ZFHX3: variants seen among roughly 807,000 people sequenced by gnomAD.
ZFHX3 encodes the protein zinc finger homeobox 3, also known as zinc finger homeobox protein 3.
A neutral mutation model predicts 279.1 loss-of-function variants in ZFHX3; 42 were observed. That is an observed-to-expected ratio of 0.15 (90% CI 0.12 to 0.19). The LOEUF (loss-of-function observed/expected upper bound fraction) is 0.19. ZFHX3 is among the 10% of genes least tolerant of loss of function. ZFHX3 has a pLI of 1.00. For missense variants in ZFHX3, 4,981 were observed against 4,754.0 expected (o/e 1.05, Z -1.40); for synonymous variants, 2,293 against 1,957.8 (o/e 1.17, Z -4.52).
At chr16:73,363,990 T>C (rs1387196555) in intron 3 of ZFHX3, among the ~76,000 whole-genome samples, 2 of 152,206 alleles carry the variant, frequency 1.3e-5, no homozygotes, top group East Asian at 1.9e-4. Context: ...CTTGCCAATA[T>C]GGTGAAACCC....
rs1423961127 is a variant in ZFHX3, at chr16:72,788,276, G to A, written c.10000C>T (p.Pro3334Ser). The change falls in exon 10 of 10, where the codon CCT (proline) becomes TCT (serine). Residue 3334 changes from proline (P) to serine (S), a missense_variant. Around this residue, in one of 7 missense-constraint regions of ZFHX3, gnomAD observed 1,034 missense variants for 786.0 expected, o/e 1.32. Transcript: ENST00000268489. ...AACAGGCCTTCCATGCCATACATAG[G>A]CTGCAGGTACCCGCTCTGCAGGGCG... ...PGALQSGYLQ[P>S]MYGMEGLFPY... 1.9e-6 allele frequency: 3 copies of A among 1,614,052 alleles called. No individual in the cohort carries two copies. Among genetic ancestry groups the A allele is most frequent in the East Asian group, 2.2e-5 (1 of 44,878 alleles).
chr16:72,988,156 T>C (rs1962925089), intron 1 of ZFHX3, among the ~76,000 whole-genome samples: 1 of 152,208 alleles, frequency 6.6e-6, no homozygotes, highest in African/African-American at 2.4e-5. Flanking sequence ...AAGAACCATT[T>C]AGGAGCACTG....
intron 7 of ZFHX3, among the ~76,000 whole-genome samples, chr16:72,802,663 G>A (rs1242950263): frequency 4.6e-5 from 7 of 152,172 alleles, no homozygotes; most frequent in Non-Finnish European, 7.3e-5. Context: ...TTCAGGTGGC[G>A]TCTGTCTGTG....
intron 5 of ZFHX3, among the ~76,000 whole-genome samples, chr16:73,241,935 T>G (rs781285784): frequency 4.6e-5 from 7 of 152,162 alleles, no homozygotes; most frequent in African/African-American, 7.2e-5. Context: ...GTGACCCCTT[T>G]GAGAACTGCT....
In ZFHX3 at chr16:73,865,961, G is replaced by A. The variant is rs776286679; in HGVS notation, c.-1608+25690C>T. ...GATCGCACCACTGCACTCCAGCCTG[G>A]GGGACAGAGCAAGACTCCGTCTCAA... On this transcript the variant is annotated intron_variant, in intron 1 of 17. Coordinates refer to the ZFHX3 transcript ENST00000641206. 1.1e-3 allele frequency among the ~76,000 whole-genome samples: 165 copies of A among 152,042 alleles called. 1 individual carries two copies. Among genetic ancestry groups the A allele is most frequent in the Non-Finnish European group, 2.0e-3 (133 of 68,002 alleles).
At chr16:73,238,572 C>T (rs2013022839) in intron 5 of ZFHX3, among the ~76,000 whole-genome samples, 1 of 152,160 alleles carries the variant, frequency 6.6e-6, no homozygotes, top group Non-Finnish European at 1.5e-5. Flanking sequence ...TCTCATCATT[C>T]TCAGATATGC....
chr16:73,362,268 G>A lies in ZFHX3; in HGVS notation c.-1290-43932C>T, dbSNP rs137975342. On this transcript the variant is annotated intron_variant, in intron 3 of 17. Transcript: ENST00000641206. ...CAATGTTTTGTCTGAGTTTGCAAAC[G>A]GGACATGGGGGCTTCCAGAGTTCCC... 1.4e-4 allele frequency among the ~76,000 whole-genome samples: 21 copies of A among 152,272 alleles called. No homozygotes were observed. The East Asian group carries it at 2.1e-3, about 15-fold the overall frequency.
intron 4 of ZFHX3, among the ~76,000 whole-genome samples, chr16:73,287,029 TGTGA>T (rs1368753549): frequency 6.8e-6 from 1 of 146,762 alleles, no homozygotes; most frequent in Non-Finnish European, 1.5e-5. Flanking sequence ...TATGTGGCTG[TGTGA>T]GTGTGTGGGT....
intron 1 of ZFHX3, among the ~76,000 whole-genome samples, chr16:73,830,586 A>G (rs1343187788): frequency 2.0e-5 from 3 of 152,000 alleles, no homozygotes; most frequent in Non-Finnish European, 4.4e-5. Context: ...TTTTATTCCC[A>G]TTTCCTGTGA....
chr16:73,346,981 A>G (rs1352896479), intron 3 of ZFHX3, among the ~76,000 whole-genome samples: 1 of 152,228 alleles, frequency 6.6e-6, no homozygotes, highest in Non-Finnish European at 1.5e-5. Context: ...AGGTATGGTC[A>G]TTCCTGTGTT....
At chr16:73,777,256 C>A (rs1193566910) in intron 1 of ZFHX3, among the ~76,000 whole-genome samples, 1 of 152,090 alleles carries the variant, frequency 6.6e-6, no homozygotes, top group African/African-American at 2.4e-5. Flanking sequence ...GTAATCCCAG[C>A]ACTTTAGGAG....
intron 2 of ZFHX3, among the ~76,000 whole-genome samples, chr16:73,603,298 AAAGAAAAG>A (rs2052142864): frequency 7.1e-6 from 1 of 140,956 alleles, no homozygotes; most frequent in African/African-American, 3.2e-5. Flanking sequence ...AAAAAAAAAG[AAAGAAAAG>A]AAAAGAAAAA....
chr16:73,099,117 T>C (rs761617746), intron 7 of ZFHX3: 2 of 152,206 alleles, frequency 1.3e-5, no homozygotes, highest in Non-Finnish European at 2.9e-5. Flanking sequence ...AGAGTGTGAA[T>C]TGGATTCAAG....
chr16:73,213,174 C>T (rs1234898351), intron 5 of ZFHX3, among the ~76,000 whole-genome samples: 25 of 152,138 alleles, frequency 1.6e-4, no homozygotes, highest in Admixed American at 1.6e-3. Flanking sequence ...TCTGGAAAGG[C>T]CTGAGGGATC....
At chr16:73,790,987 C>G (rs974676003) in intron 1 of ZFHX3, among the ~76,000 whole-genome samples, 20 of 152,098 alleles carry the variant, frequency 1.3e-4, no homozygotes, top group African/African-American at 4.8e-4. Flanking sequence ...ATTTTAGAGA[C>G]AGGGTCTCAT....
chr16:73,690,579 G>T (rs1039382705), intron 1 of ZFHX3, among the ~76,000 whole-genome samples: 3 of 152,212 alleles, frequency 2.0e-5, no homozygotes. Flanking sequence ...TGACTCTGCA[G>T]CTTCCTGATC....
At chr16:73,489,264 A>G (rs1281393917) in intron 2 of ZFHX3, among the ~76,000 whole-genome samples, 1 of 152,196 alleles carries the variant, frequency 6.6e-6, no homozygotes, top group Non-Finnish European at 1.5e-5. Flanking sequence ...GAAAATCTTG[A>G]TGCACATTCA....
At chr16:73,652,262 A>G (rs1173887480) in intron 2 of ZFHX3, among the ~76,000 whole-genome samples, 1 of 152,208 alleles carries the variant, frequency 6.6e-6, no homozygotes, top group Admixed American at 6.5e-5. Flanking sequence ...ACTCGTACCA[A>G]GGAGAGAACA....
At chr16:73,093,162 C>A (rs377099230) in intron 8 of ZFHX3, 1 of 520,110 alleles carries the variant, frequency 1.9e-6, no homozygotes, top group Non-Finnish European at 3.8e-6. Flanking sequence ...CGAGCCCTCA[C>A]CTCCAGCAGA....
Sources: allele counts gnomAD v4.1 joint callset (sites outside exome capture counted in the v4.1 genomes callset), GRCh38; gene constraint gnomAD v4.1.1; regional missense constraint gnomAD v4.1.1; transcripts MANE v1.5; gene names NCBI Gene and HGNC (gene_info 2026-07-23, HGNC 2026-07-21).